NSG2: variants seen among roughly 807,000 people sequenced by gnomAD.
The protein encoded by NSG2 is neuronal vesicle trafficking-associated protein 2.
A neutral mutation model predicts 16.9 loss-of-function variants in NSG2; 4 were observed. The observed-to-expected ratio is 0.24, with a 90% CI of 0.12 to 0.54. The LOEUF is 0.54. Among genes scored for constraint, NSG2 ranks in the 20% least tolerant of loss-of-function variants. The pLI, the probability that NSG2 is intolerant of heterozygous loss-of-function variation, is 0.95. For missense variants in NSG2, 179 were observed against 221.1 expected (o/e 0.81, Z 1.21); for synonymous variants, 98 against 88.7 (o/e 1.11, Z -0.59).
At chr5:174,085,260 G>A (rs1760588527) in intron 3 of NSG2, among the ~76,000 whole-genome samples, 1 of 152,230 alleles carries the variant, frequency 6.6e-6, no homozygotes, top group African/African-American at 2.4e-5. Flanking sequence ...TAGGTGTTAT[G>A]ATTCAGATAA....
At chr5:174,092,058 T>A (rs999749549) in intron 3 of NSG2, among the ~76,000 whole-genome samples, 1 of 152,198 alleles carries the variant, frequency 6.6e-6, no homozygotes, top group African/African-American at 2.4e-5. Context: ...AATGACAGTC[T>A]CCAGGCTACT....
At chr5:174,097,786 T>C (rs1203820679) in intron 3 of NSG2, among the ~76,000 whole-genome samples, 3 of 151,580 alleles carry the variant, frequency 2.0e-5, no homozygotes, top group African/African-American at 7.3e-5. Context: ...TCTCTCAGTG[T>C]GTGTGTCTCT....
At position 174,072,172 on chromosome 5, in the gene NSG2, A is replaced by C. The variant is rs990642390; in HGVS notation, c.213+7857A>C. 2.6e-5 allele frequency among the ~76,000 whole-genome samples: 4 copies of C among 151,644 alleles called. No homozygotes were observed. The highest frequency in any genetic ancestry group is 9.7e-5 in the African/African-American group (4 of 41,236). On this transcript the variant is annotated intron_variant, in intron 3 of 4. Transcript: ENST00000303177. The surrounding 1 kb of genome is among the most constrained non-coding windows in gnomAD (Gnocchi z 4.0). ...ACACTCTGGTTCAACCCACATCACCACCTGTCCCAGCCCTCTCCCTGATCC... is the reference window on the plus strand; with the variant it reads ...ACACTCTGGTTCAACCCACATCACCCCCTGTCCCAGCCCTCTCCCTGATCC...
In NSG2 at chr5:174,055,310, T is replaced by G. The variant is rs539489130; in HGVS notation, c.129+8426T>G. On this transcript the variant is annotated intron_variant, in intron 2 of 4. Transcript: ENST00000303177. ...TATGCATTGCCATAGAAGTGGGGAG[T>G]TGGCTGGGCATGGTGGCTCATGCCT... 3.3e-5 allele frequency among the ~76,000 whole-genome samples: 5 copies of G among 152,126 alleles called. No homozygotes were observed. The East Asian group carries it at 9.7e-4, about 29-fold the overall frequency.
intron 2 of NSG2, among the ~76,000 whole-genome samples, chr5:174,060,224 T>C (rs1170296064): frequency 6.6e-6 from 1 of 152,214 alleles, no homozygotes; most frequent in South Asian, 2.1e-4. Context: ...TTCAGTTCTG[T>C]CTCCTGTCTC....
At chr5:174,095,775 A>C (rs1760787184) in intron 3 of NSG2, among the ~76,000 whole-genome samples, 1 of 152,216 alleles carries the variant, frequency 6.6e-6, no homozygotes, top group Non-Finnish European at 1.5e-5. Context: ...TGTTGTTACA[A>C]TTCCCCTTTG....
At chr5:174,102,753 T>TA (rs1561676639) in intron 3 of NSG2, among the ~76,000 whole-genome samples, 109 of 81,854 alleles carry the variant, frequency 1.3e-3, no homozygotes, top group African/African-American at 6.8e-3. Flanking sequence ...TGCTTTGTTT[T>TA]TTTTATTTAT....
chr5:174,091,084 G>A (rs1024194409), intron 3 of NSG2: 5 of 149,904 alleles, frequency 3.3e-5, no homozygotes, highest in Non-Finnish European at 7.4e-5. Context: ...GCCAAGAAAG[G>A]GGATTAAGGA....
chr5:174,101,546 A>G (rs906734859), intron 3 of NSG2, among the ~76,000 whole-genome samples: 2 of 152,196 alleles, frequency 1.3e-5, no homozygotes, highest in African/African-American at 4.8e-5. Context: ...ATGGAATCAC[A>G]TGACATGTGG....
At chr5:174,083,600 C>T (rs1000779852) in intron 3 of NSG2, among the ~76,000 whole-genome samples, 3 of 152,154 alleles carry the variant, frequency 2.0e-5, no homozygotes, top group Admixed American at 6.5e-5. Flanking sequence ...CAGGAGCTGG[C>T]GTGCTTGCAA....
At chr5:174,092,828 A>G (rs79416366) in intron 3 of NSG2, among the ~76,000 whole-genome samples, 1 of 152,120 alleles carries the variant, frequency 6.6e-6, no homozygotes, top group East Asian at 1.9e-4. Context: ...ATGTGACTAT[A>G]CAAAGTTGGA....
intron 2 of NSG2, among the ~76,000 whole-genome samples, chr5:174,049,153 C>T (rs1205594565): frequency 6.6e-6 from 1 of 152,050 alleles, no homozygotes; most frequent in Admixed American, 6.5e-5. Flanking sequence ...TCCTGGCGAA[C>T]ACGGTGAAAC....
At chr5:174,106,035 G>A (rs1462941070) in intron 4 of NSG2, among the ~76,000 whole-genome samples, 1 of 152,116 alleles carries the variant, frequency 6.6e-6, no homozygotes, top group East Asian at 1.9e-4. Context: ...CTCCATACAC[G>A]GAAAGAGAAT....
Position 174,051,062 on chromosome 5 carries a change from C to T in NSG2, c.129+4178C>T, listed in dbSNP as rs532618319. 9.6e-4 allele frequency among the ~76,000 whole-genome samples: 146 copies of T among 152,272 alleles called. 1 individual carries two copies. Among genetic ancestry groups the T allele is most frequent in the Middle Eastern group, 3.4e-3 (1 of 294 alleles). ...TCCCACGTTGCGCCTCGAATGTTAG[C>T]GTGCCAGACCTACCTGCAGCAGCGG... On this transcript the variant is annotated intron_variant, in intron 2 of 4. Coordinates refer to ENST00000303177, the MANE Select transcript of NSG2 (RefSeq NM_015980.5).
intron 4 of NSG2, among the ~76,000 whole-genome samples, chr5:174,105,126 C>G: frequency 6.6e-6 from 1 of 152,184 alleles, no homozygotes; most frequent in East Asian, 1.9e-4. Context: ...TACAACCATT[C>G]TGAGAAATAG....
At chr5:174,076,374 A>G (rs1380317106) in intron 3 of NSG2, among the ~76,000 whole-genome samples, 1 of 152,172 alleles carries the variant, frequency 6.6e-6, no homozygotes, top group East Asian at 1.9e-4. Flanking sequence ...TTGTGGCTTG[A>G]AAACCAGGCT....
At chr5:174,060,601 C>T (rs1016196763) in intron 2 of NSG2, among the ~76,000 whole-genome samples, 1 of 151,802 alleles carries the variant, frequency 6.6e-6, no homozygotes, top group Admixed American at 6.6e-5. Flanking sequence ...TCACAGTTTT[C>T]GTAGGTCAGA....
chr5:174,096,149 A>G lies in NSG2; in HGVS notation c.214-8079A>G, dbSNP rs1015968414. On this transcript the variant is annotated intron_variant, in intron 3 of 4. Coordinates refer to ENST00000303177, the MANE Select transcript of NSG2 (RefSeq NM_015980.5). ...CAAATCCATGTACAGTGCCAAGAAC[A>G]GTGCCTGGCACAATCAGTGCCTAGT... is the stretch of plus-strand genomic sequence containing the variant. Among the ~76,000 whole-genome samples the G allele has an allele frequency of 2.0e-5, 3 of 152,256 alleles. No individual in the cohort carries two copies. In the East Asian group the frequency reaches 5.8e-4, roughly 29 times the overall value.
intron 2 of NSG2, among the ~76,000 whole-genome samples, chr5:174,059,762 C>A (rs1379804128): frequency 6.6e-6 from 1 of 152,148 alleles, no homozygotes; most frequent in Non-Finnish European, 1.5e-5. Context: ...TTGTGTGCTG[C>A]CTTGTTCTTC....
Sources: gnomAD v4.1 joint callset for allele counts (sites outside exome capture counted in the v4.1 genomes callset) on GRCh38, gnomAD v4.1.1 for gene constraint, Gnocchi (gnomAD v3.1) non-coding constraint, MANE v1.5 for transcripts, NCBI Gene and HGNC (gene_info 2026-07-23, HGNC 2026-07-21) for gene names.